NTM: variants seen among roughly 807,000 people sequenced by gnomAD.
NTM encodes neurotrimin.
A neutral mutation model predicts 42.1 loss-of-function variants in NTM; 13 were observed. The ratio of observed to expected loss-of-function variants is 0.31; its 90% CI spans 0.20 to 0.49. The LOEUF is 0.49. NTM is among the 20% of genes least tolerant of loss of function. The pLI, the probability that NTM is intolerant of heterozygous loss-of-function variation, is 0.99. For synonymous variants in NTM, 187 were observed against 179.2 expected (o/e 1.04, Z -0.35); for missense variants, 373 against 452.8 (o/e 0.82, Z 1.60).
At chr11:131,702,852 A>G (rs2135195535) in intron 1 of NTM, among the ~76,000 whole-genome samples, 1 of 152,370 alleles carries the variant, frequency 6.6e-6, no homozygotes. Flanking sequence ...CAAAGCTGCA[A>G]TAATATAAAC....
intron 7 of NTM, among the ~76,000 whole-genome samples, chr11:132,326,939 G>A (rs1191274424): frequency 3.3e-5 from 5 of 152,186 alleles, no homozygotes; most frequent in East Asian, 3.8e-4. Context: ...GAGTACACTT[G>A]GCTTTAAGAG....
chr11:131,380,840 T>G (rs569018973), intron 1 of NTM, among the ~76,000 whole-genome samples: 24 of 152,156 alleles, frequency 1.6e-4, no homozygotes, highest in Non-Finnish European at 2.9e-4. Flanking sequence ...TTTGCCTGAG[T>G]TGTTTCAATA....
chr11:132,014,994 A>G (rs930063729), intron 2 of NTM, among the ~76,000 whole-genome samples: 5 of 151,700 alleles, frequency 3.3e-5, no homozygotes, highest in Non-Finnish European at 5.9e-5. Context: ...TGTTTCCCCC[A>G]TGTTTTCTTC....
At chr11:131,990,770 A>G (rs2066876246) in intron 2 of NTM, among the ~76,000 whole-genome samples, 1 of 152,198 alleles carries the variant, frequency 6.6e-6, no homozygotes, top group Admixed American at 6.5e-5. Flanking sequence ...CTAATGTAGC[A>G]TGGAGGATTT....
intron 1 of NTM, among the ~76,000 whole-genome samples, chr11:131,645,339 C>A (rs1412382790): frequency 6.6e-6 from 1 of 152,180 alleles, no homozygotes; most frequent in African/African-American, 2.4e-5. Flanking sequence ...GTTTGCTCTT[C>A]CCAGCCTTTC....
rs1049068922 is a variant in NTM at position 132,003,171 on chromosome 11, T to G, written c.167+91523T>G. ...TAGCCCGGTTCTGAGCCAGAGTTAT[T>G]TCGCTCTGCCAGTGGTGCACTTCAG... On this transcript the variant is annotated intron_variant, in intron 2 of 8. Coordinates refer to ENST00000683400, the MANE Select transcript of NTM (RefSeq NM_001352005.2). The surrounding 1 kb of genome is among the most constrained non-coding windows in gnomAD (Gnocchi z 6.0). Among the ~76,000 whole-genome samples the G allele has an allele frequency of 8.5e-5, 13 of 152,150 alleles. No individual in the cohort carries two copies. Among genetic ancestry groups the G allele is most frequent in the African/African-American group, 3.1e-4 (13 of 41,432 alleles).
chr11:131,761,359 A>T (rs2084144592), intron 1 of NTM, among the ~76,000 whole-genome samples: 1 of 152,134 alleles, frequency 6.6e-6, no homozygotes, highest in Non-Finnish European at 1.5e-5. Context: ...TTACAGATGG[A>T]ATGTTTTATA....
At chr11:131,475,466 G>A (rs747212655) in intron 1 of NTM, among the ~76,000 whole-genome samples, 11 of 151,932 alleles carry the variant, frequency 7.2e-5, no homozygotes, top group Non-Finnish European at 1.3e-4. Flanking sequence ...CGGCAAAATG[G>A]GACATGAAAT....
chr11:132,000,771 T>C (rs2069063988), intron 2 of NTM, among the ~76,000 whole-genome samples: 1 of 152,206 alleles, frequency 6.6e-6, no homozygotes, highest in Non-Finnish European at 1.5e-5. Context: ...ATAGTCTCTG[T>C]CATCTTGGAA....
intron 1 of NTM, among the ~76,000 whole-genome samples, chr11:131,583,843 G>A (rs1214654738): frequency 3.3e-5 from 5 of 152,114 alleles, no homozygotes; most frequent in Non-Finnish European, 7.4e-5. Context: ...GGATTTGTAT[G>A]AAACCCATAG....
intron 1 of NTM, among the ~76,000 whole-genome samples, chr11:131,798,102 C>T (rs1333724043): frequency 5.3e-5 from 8 of 152,156 alleles, no homozygotes; most frequent in Non-Finnish European, 7.3e-5. Context: ...ATTAGCCAAG[C>T]ATGTTGATAC....
At chr11:132,222,522 G>A (rs1479396586) in intron 4 of NTM, among the ~76,000 whole-genome samples, 2 of 152,130 alleles carry the variant, frequency 1.3e-5, no homozygotes, top group African/African-American at 4.8e-5. Flanking sequence ...CTTCCTAGCT[G>A]TGTAAAATGC....
chr11:132,059,355 T>C (rs916997433), intron 2 of NTM, among the ~76,000 whole-genome samples: 4 of 152,326 alleles, frequency 2.6e-5, no homozygotes, highest in Non-Finnish European at 4.4e-5. Flanking sequence ...CAAAGGAAGA[T>C]GAAATGTAGA....
intron 2 of NTM, among the ~76,000 whole-genome samples, chr11:132,008,503 A>G (rs1416687374): frequency 4.6e-5 from 7 of 152,104 alleles, no homozygotes; most frequent in South Asian, 4.2e-4. Context: ...TGTGGAGTCT[A>G]TGACAGGTTT....
chr11:131,842,172 G>T (rs1299556544), intron 1 of NTM, among the ~76,000 whole-genome samples: 1 of 152,148 alleles, frequency 6.6e-6, no homozygotes, highest in African/African-American at 2.4e-5. Flanking sequence ...TGGTTTTAGG[G>T]CAGAAGTTTC....
chr11:132,156,393 T>G (rs2073199771), intron 3 of NTM, among the ~76,000 whole-genome samples: 1 of 152,244 alleles, frequency 6.6e-6, no homozygotes, highest in Non-Finnish European at 1.5e-5. Flanking sequence ...CTTCAGACTT[T>G]GACTCAAATG....
Position 131,664,229 on chromosome 11 carries a change from C to G in NTM, c.83-247335C>G, listed in dbSNP as rs117326791. ...GTGCCCTTGGGCAATTTATTAAGTT[C>G]TCTGGACCTCTCAACATGGGACAGA... On this transcript the variant is annotated intron_variant, in intron 1 of 8. Coordinates refer to ENST00000683400, the MANE Select transcript of NTM (RefSeq NM_001352005.2). 5.3e-5 allele frequency among the ~76,000 whole-genome samples: 8 copies of G among 152,358 alleles called. No homozygotes were observed. The East Asian group carries it at 1.5e-3, about 29-fold the overall frequency.
intron 2 of NTM, among the ~76,000 whole-genome samples, chr11:132,135,637 G>A (rs1013740208): frequency 6.6e-6 from 1 of 152,216 alleles, no homozygotes; most frequent in African/African-American, 2.4e-5. Context: ...CACCCTGGGG[G>A]ACGCAAACCC....
chr11:131,516,134 A>G (rs1055915373), intron 1 of NTM, among the ~76,000 whole-genome samples: 5 of 152,234 alleles, frequency 3.3e-5, no homozygotes, highest in African/African-American at 4.8e-5. Context: ...ATGTCCTCTA[A>G]TCAATGTTTG....
Sources: allele counts gnomAD v4.1 joint callset (sites outside exome capture counted in the v4.1 genomes callset), GRCh38; gene constraint gnomAD v4.1.1; non-coding constraint Gnocchi (gnomAD v3.1); transcripts MANE v1.5; gene names NCBI Gene and HGNC (gene_info 2026-07-23, HGNC 2026-07-21).